SUPT3H: variants seen among roughly 807,000 people sequenced by gnomAD.
The protein encoded by SUPT3H is transcription initiation protein SPT3 homolog.
A neutral mutation model predicts 44.3 loss-of-function variants in SUPT3H; 44 were observed. The observed-to-expected ratio is 0.99, with a 90% CI of 0.78 to 1.28. SUPT3H has a LOEUF of 1.28. Ranked by LOEUF, SUPT3H falls within the 50% of genes most tolerant of loss-of-function variation. SUPT3H has a pLI of 0.00. For synonymous variants in SUPT3H, 124 were observed against 125.6 expected, an observed-to-expected ratio of 0.99 and a Z score of 0.09; for missense variants, 380 against 387.1, an observed-to-expected ratio of 0.98 and a Z score of 0.15.
At chr6:45,022,448 TA>T (rs1785292661) in intron 3 of SUPT3H, among the ~76,000 whole-genome samples, 2 of 149,896 alleles carry the variant, frequency 1.3e-5, no homozygotes, top group South Asian at 4.2e-4. Flanking sequence ...TCAGAACCAA[TA>T]CATGACCACT....
At chr6:44,922,940 C>G (rs1768960316) in intron 10 of SUPT3H, among the ~76,000 whole-genome samples, 1 of 151,930 alleles carries the variant, frequency 6.6e-6, no homozygotes, top group South Asian at 2.1e-4. Context: ...TTTTTAAAGC[C>G]ATATTTTCCT....
chr6:44,943,393 A>G (rs776464512), intron 9 of SUPT3H, among the ~76,000 whole-genome samples: 4 of 152,118 alleles, frequency 2.6e-5, no homozygotes, highest in Non-Finnish European at 4.4e-5. Context: ...AATAATATCA[A>G]AGTAACTAAT....
chr6:44,954,078 C>T (rs976848452), intron 8 of SUPT3H, among the ~76,000 whole-genome samples: 6 of 152,098 alleles, frequency 3.9e-5, no homozygotes, highest in Non-Finnish European at 5.9e-5. Context: ...GATGCTGATG[C>T]CTGTGGTCTA....
chr6:44,900,432 A>T (rs1167444578), intron 10 of SUPT3H, among the ~76,000 whole-genome samples: 3 of 152,216 alleles, frequency 2.0e-5, no homozygotes, highest in Non-Finnish European at 4.4e-5. Flanking sequence ...CTGCTAGCAC[A>T]GTAGTCTGAG....
chr6:44,954,692 G>C (rs1358089349), intron 7 of SUPT3H, 85 bp from the exon 8 acceptor site: 4 of 759,552 alleles, frequency 5.3e-6, no homozygotes, highest in African/African-American at 1.8e-5. Context: ...AATTAAAAAA[G>C]TATACTCAGA....
At chr6:45,020,443 T>C (rs1049151953) in intron 4 of SUPT3H, 103 bp downstream of exon 4, 17 of 797,036 alleles carry the variant, frequency 2.1e-5, no homozygotes, top group Non-Finnish European at 2.6e-5. Context: ...TCAATAGTTA[T>C]TATTTTAATT....
intron 2 of SUPT3H, among the ~76,000 whole-genome samples, chr6:45,143,418 A>G (rs1287773517): frequency 1.3e-5 from 2 of 152,182 alleles, no homozygotes; most frequent in Non-Finnish European, 2.9e-5. Flanking sequence ...AAACAATACA[A>G]ATATATAGAA....
At chr6:45,277,481 T>C (rs1190640159) in intron 2 of SUPT3H, among the ~76,000 whole-genome samples, 1 of 152,146 alleles carries the variant, frequency 6.6e-6, no homozygotes, top group Non-Finnish European at 1.5e-5. Flanking sequence ...ACAATCTTTA[T>C]CTCTACTAGC....
At chr6:45,116,596 C>T (rs1004501258) in intron 2 of SUPT3H, among the ~76,000 whole-genome samples, 3 of 152,080 alleles carry the variant, frequency 2.0e-5, no homozygotes, top group East Asian at 1.9e-4. Flanking sequence ...TTAGCTTTGT[C>T]CCCTGGAACT....
chr6:44,865,804 A>G (rs1775405745), intron 10 of SUPT3H, among the ~76,000 whole-genome samples: 1 of 152,158 alleles, frequency 6.6e-6, no homozygotes, highest in Non-Finnish European at 1.5e-5. Context: ...TACATCACAT[A>G]TATTAAGTAG....
At chr6:45,120,417 TAAAA>T (rs71687494) in intron 2 of SUPT3H, among the ~76,000 whole-genome samples, 19 of 50,510 alleles carry the variant, frequency 3.8e-4, no homozygotes, top group African/African-American at 9.6e-4. Context: ...AGACCTTGTC[TAAAA>T]AAAAAAAAAA....
At chr6:45,075,729 C>T (rs1290692937) in intron 3 of SUPT3H, among the ~76,000 whole-genome samples, 1 of 152,060 alleles carries the variant, frequency 6.6e-6, no homozygotes, top group Non-Finnish European at 1.5e-5. Flanking sequence ...CACGATATAC[C>T]TGCAGAATGC....
intron 2 of SUPT3H, among the ~76,000 whole-genome samples, chr6:45,262,348 A>T (rs1022637923): frequency 6.6e-6 from 1 of 152,132 alleles, no homozygotes; most frequent in African/African-American, 2.4e-5. Flanking sequence ...AGAACCCAGA[A>T]ATAAACCCAA....
At chr6:45,017,651 G>A (rs1583076645) in intron 4 of SUPT3H, among the ~76,000 whole-genome samples, 2 of 150,692 alleles carry the variant, frequency 1.3e-5, no homozygotes, top group South Asian at 4.3e-4. Flanking sequence ...AGACCAGATA[G>A]TTGTAGATAT....
At chr6:45,209,791 C>T (rs1763791613) in intron 2 of SUPT3H, among the ~76,000 whole-genome samples, 1 of 152,192 alleles carries the variant, frequency 6.6e-6, no homozygotes, top group African/African-American at 2.4e-5. Flanking sequence ...TAAAGAGCAT[C>T]ATGTGCTATA....
intron 10 of SUPT3H, among the ~76,000 whole-genome samples, chr6:44,893,559 T>C (rs1225004109): frequency 6.6e-6 from 1 of 152,272 alleles, no homozygotes; most frequent in Non-Finnish European, 1.5e-5. Flanking sequence ...ACTCATCATT[T>C]TTTATGGCTG....
chr6:45,015,256 T>C (rs72867444), intron 4 of SUPT3H, among the ~76,000 whole-genome samples: 2,738 of 152,232 alleles, frequency 0.018, 41 homozygotes, highest in South Asian at 0.044. Context: ...CTAGGCTACA[T>C]GGTGCGGCCT....
At chr6:45,304,007 C>G (rs1046546494) in intron 2 of SUPT3H, among the ~76,000 whole-genome samples, 1 of 150,992 alleles carries the variant, frequency 6.6e-6, no homozygotes, top group African/African-American at 2.4e-5. Flanking sequence ...CCAATTAAAT[C>G]TTTAAATTAA....
At chr6:44,972,708 T>G (rs1777767158) in intron 6 of SUPT3H, among the ~76,000 whole-genome samples, 1 of 152,216 alleles carries the variant, frequency 6.6e-6, no homozygotes, top group South Asian at 2.1e-4. Flanking sequence ...ATACATCCTG[T>G]GAAGTCTAGG....
Sources: allele counts gnomAD v4.1 joint callset (sites outside exome capture counted in the v4.1 genomes callset), GRCh38; gene constraint gnomAD v4.1.1; transcripts MANE v1.5; gene names NCBI Gene and HGNC (gene_info 2026-07-23, HGNC 2026-07-21).